Variants in MMP26 observed in about 807,000 individuals in gnomAD.
The protein encoded by MMP26 is matrix metalloproteinase-26.
Under a neutral mutation model 31.0 loss-of-function variants are expected in MMP26, and 33 were observed. That is an observed-to-expected ratio of 1.06 (90% CI 0.81 to 1.42). The LOEUF is 1.42. MMP26 is among the 40% of genes most tolerant of loss of function. MMP26 has a pLI of 0.00. For missense variants in MMP26, 347 were observed against 316.1 expected (o/e 1.10, Z -0.74); for synonymous variants, 122 against 114.9 (o/e 1.06, Z -0.40).
chr11:4,807,627 G>A (rs1217924734), intron 2 of MMP26, among the ~76,000 whole-genome samples: 4 of 147,580 alleles, frequency 2.7e-5, no homozygotes, highest in Non-Finnish European at 6.0e-5. Flanking sequence ...TGGGGGTGGG[G>A]GGTTGGGGGA....
At chr11:4,923,879 C>T (rs1376322124) in intron 2 of MMP26, 1 of 1,614,038 alleles carries the variant, frequency 6.2e-7, no homozygotes, top group East Asian at 2.2e-5. Flanking sequence ...GAGGAGAGCA[C>T]TTCTAAGCAC....
In MMP26 at chr11:4,786,378, T is replaced by C. The variant is rs1331902524; in HGVS notation, c.-145+19037T>C. 3.9e-5 allele frequency among the ~76,000 whole-genome samples: 6 copies of C among 151,996 alleles called. 1 individual carries two copies. The highest frequency in any genetic ancestry group is 1.2e-4 in the African/African-American group (5 of 41,364). On this transcript the variant is annotated intron_variant, in intron 2 of 7. Transcript: ENST00000380390. The stretch of plus-strand genomic sequence containing the variant: ...TCCCATCTCTGGCTCTCACAACTGA[T>C]GAAAATGCAGTGAACTTCCTATGAG...
chr11:4,943,837 T>A (rs771932266), intron 2 of MMP26: 20 of 446,800 alleles, frequency 4.5e-5, no homozygotes. Context: ...ATTTTATTTT[T>A]CATTTCATTT....
intron 2 of MMP26, among the ~76,000 whole-genome samples, chr11:4,883,248 T>C (rs61508034): frequency 0.034 from 5,011 of 145,590 alleles, 273 homozygotes; most frequent in African/African-American, 0.12. Flanking sequence ...TTTTTTTTTT[T>C]CCCTGAGGTG....
chr11:4,959,467 T>C (rs931084470), intron 2 of MMP26, among the ~76,000 whole-genome samples: 6 of 152,070 alleles, frequency 3.9e-5, no homozygotes, highest in Non-Finnish European at 8.8e-5. Flanking sequence ...CTCTCTTGAT[T>C]GAAACACAAT....
chr11:4,803,514 C>T (rs1482779240), intron 2 of MMP26: 2 of 1,613,982 alleles, frequency 1.2e-6, no homozygotes, highest in East Asian at 4.5e-5. Context: ...TGGGGTTGAG[C>T]ATGGGAGGTA....
At chr11:4,706,000 T>A (rs2133260851) in intron 1 of MMP26, among the ~76,000 whole-genome samples, 1 of 151,762 alleles carries the variant, frequency 6.6e-6, no homozygotes, top group South Asian at 2.1e-4. Context: ...TGGGGGGAGC[T>A]GTTCTTGGAC....
At chr11:4,858,138 T>A (rs1043418732) in intron 2 of MMP26, among the ~76,000 whole-genome samples, 1 of 152,102 alleles carries the variant, frequency 6.6e-6, no homozygotes, top group Non-Finnish European at 1.5e-5. Context: ...GGGCAAAAAC[T>A]GGAAGCATTC....
At chr11:4,773,385 C>G (rs1308249094) in intron 2 of MMP26, among the ~76,000 whole-genome samples, 1 of 152,206 alleles carries the variant, frequency 6.6e-6, no homozygotes, top group African/African-American at 2.4e-5. Flanking sequence ...AAGAACTGAA[C>G]ATGGCCTCCT....
At chr11:4,823,812 T>A (rs1849544618) in intron 2 of MMP26, among the ~76,000 whole-genome samples, 1 of 152,158 alleles carries the variant, frequency 6.6e-6, no homozygotes, top group South Asian at 2.1e-4. Context: ...TGATTAAGCA[T>A]CTGAAGAATA....
chr11:4,821,850 T>A, intron 2 of MMP26: 1 of 1,613,810 alleles, frequency 6.2e-7, no homozygotes, highest in Non-Finnish European at 8.5e-7. Context: ...ATGCCCGAAT[T>A]GCCAAGATTG....
At chr11:4,870,987 C>G (rs967244951) in intron 2 of MMP26, among the ~76,000 whole-genome samples, 1 of 151,954 alleles carries the variant, frequency 6.6e-6, no homozygotes, top group Non-Finnish European at 1.5e-5. Flanking sequence ...ACATTTAGTG[C>G]TCTAGGAAGA....
chr11:4,809,838 G>A (rs1483154709), intron 2 of MMP26, among the ~76,000 whole-genome samples: 1 of 152,150 alleles, frequency 6.6e-6, no homozygotes, highest in African/African-American at 2.4e-5. Flanking sequence ...GCTTCTGGGA[G>A]CTCTATGACT....
chr11:4,850,200 A>C (rs1277639886), intron 2 of MMP26, among the ~76,000 whole-genome samples: 1 of 152,184 alleles, frequency 6.6e-6, no homozygotes, highest in Non-Finnish European at 1.5e-5. Context: ...AAACAGATGA[A>C]TTACTAATAT....
chr11:4,880,233 G>T (rs1186985824), intron 2 of MMP26, among the ~76,000 whole-genome samples: 1 of 152,084 alleles, frequency 6.6e-6, no homozygotes, highest in Non-Finnish European at 1.5e-5. Context: ...TTTAGTCCCT[G>T]CTCTGTTATG....
chr11:4,814,451 T>C (rs960603748), intron 2 of MMP26, among the ~76,000 whole-genome samples: 7 of 151,944 alleles, frequency 4.6e-5, no homozygotes, highest in Middle Eastern at 3.4e-3. Flanking sequence ...AAATATAGAA[T>C]AGTAGTGTGG....
At chr11:4,849,344 G>A (rs1053722161) in intron 2 of MMP26, 6 of 804,654 alleles carry the variant, frequency 7.5e-6, no homozygotes, top group Admixed American at 2.6e-5. Context: ...TCACATACAC[G>A]TACACATATA....
intron 2 of MMP26, among the ~76,000 whole-genome samples, chr11:4,941,661 C>T (rs1846207270): frequency 6.6e-6 from 1 of 152,128 alleles, no homozygotes; most frequent in South Asian, 2.1e-4. Flanking sequence ...TGCTGCTTGA[C>T]TATCATGCTA....
chr11:4,922,845 G>C (rs1261967368), intron 2 of MMP26, among the ~76,000 whole-genome samples: 1 of 151,932 alleles, frequency 6.6e-6, no homozygotes, highest in Non-Finnish European at 1.5e-5. Flanking sequence ...TAATTTTGTG[G>C]GCATATGTTT....
Sources: allele counts gnomAD v4.1 joint callset (sites outside exome capture counted in the v4.1 genomes callset), GRCh38; gene constraint gnomAD v4.1.1; transcripts MANE v1.5; gene names NCBI Gene and HGNC (gene_info 2026-07-23, HGNC 2026-07-21).